TMEM132C: variants seen among roughly 807,000 people sequenced by gnomAD.
TMEM132C encodes the protein protein phosphatase 1, regulatory subunit 152.
Under a neutral mutation model 61.4 loss-of-function variants are expected in TMEM132C, and 29 were observed. The ratio of observed to expected loss-of-function variants is 0.47; its 90% CI spans 0.35 to 0.64. The LOEUF is 0.64. Among genes scored for constraint, TMEM132C ranks in the 30% least tolerant of loss-of-function variants. The pLI is 0.00. For missense variants in TMEM132C, 1,408 were observed against 1,476.9 expected (o/e 0.95, Z 0.76); for synonymous variants, 656 against 633.1 (o/e 1.04, Z -0.54).
chr12:128,335,326 G>A (rs937486123), intron 1 of TMEM132C, among the ~76,000 whole-genome samples: 9 of 150,480 alleles, frequency 6.0e-5, no homozygotes, highest in Non-Finnish European at 1.0e-4. Context: ...TATCAACCTC[G>A]TAATAAATAA....
At chr12:128,358,450 A>G (rs536294524) in intron 1 of TMEM132C, among the ~76,000 whole-genome samples, 1 of 151,982 alleles carries the variant, frequency 6.6e-6, no homozygotes, top group East Asian at 1.9e-4. Flanking sequence ...AGTAGCAAAT[A>G]CTATGAAGCA....
rs148904954 is a variant in TMEM132C, at chr12:128,320,717, C to A, written c.85+53230C>A. Among the ~76,000 whole-genome samples, 1,254 of 151,522 alleles carry A rather than the reference C, an allele frequency of 8.3e-3. 21 individuals are homozygous for A. The highest frequency in any genetic ancestry group is 0.029 in the African/African-American group (1,181 of 41,270). ...GCACCTGGGAGATAAGAGGTCAAGGCTGCAGTGAGCTGAGATCACACCAGT... is the reference window on the plus strand; with the variant it reads ...GCACCTGGGAGATAAGAGGTCAAGGATGCAGTGAGCTGAGATCACACCAGT... On this transcript the variant is annotated intron_variant, in intron 1 of 8. Coordinates refer to ENST00000435159, the MANE Select transcript of TMEM132C (RefSeq NM_001136103.3).
intron 1 of TMEM132C, among the ~76,000 whole-genome samples, chr12:128,413,321 A>AAAAAAG (rs1868635286): frequency 6.7e-6 from 1 of 149,944 alleles, no homozygotes; most frequent in Non-Finnish European, 1.5e-5. Flanking sequence ...AAAAAAAAAA[A>AAAAAAG]CCAATGTTGC....
chr12:128,690,627 C>T (rs552108332), intron 5 of TMEM132C, among the ~76,000 whole-genome samples: 5 of 152,270 alleles, frequency 3.3e-5, no homozygotes, highest in East Asian at 3.9e-4. Context: ...AACTCTTGCT[C>T]GACTGTTGTG....
intron 2 of TMEM132C, among the ~76,000 whole-genome samples, chr12:128,430,438 A>T (rs1302043230): frequency 6.6e-6 from 1 of 152,204 alleles, no homozygotes; most frequent in African/African-American, 2.4e-5. Flanking sequence ...ATGAGAACTT[A>T]ACTGGAACCA....
chr12:128,551,004 G>A (rs1874156628), intron 3 of TMEM132C, among the ~76,000 whole-genome samples: 5 of 152,172 alleles, frequency 3.3e-5, no homozygotes, highest in Admixed American at 2.6e-4. Context: ...ACAGGGTCAG[G>A]CTGCAGGCTG....
At chr12:128,474,940 A>G (rs1198083211) in intron 2 of TMEM132C, among the ~76,000 whole-genome samples, 1 of 152,158 alleles carries the variant, frequency 6.6e-6, no homozygotes, top group Non-Finnish European at 1.5e-5. Flanking sequence ...CATTCCCGAC[A>G]GTGCCCCCTT....
intron 2 of TMEM132C, among the ~76,000 whole-genome samples, chr12:128,448,428 A>G (rs780389260): frequency 5.3e-5 from 8 of 152,170 alleles, no homozygotes; most frequent in Non-Finnish European, 8.8e-5. Flanking sequence ...CTCTGCTTAT[A>G]GGGGTCGACT....
intron 1 of TMEM132C, among the ~76,000 whole-genome samples, chr12:128,310,849 G>A (rs538204940): frequency 9.5e-4 from 145 of 152,250 alleles, no homozygotes; most frequent in South Asian, 2.1e-3. Context: ...TTACAGTACC[G>A]TGTGTTTCAA....
At chr12:128,518,539 T>TC (rs1163038232) in intron 2 of TMEM132C, among the ~76,000 whole-genome samples, 1 of 152,242 alleles carries the variant, frequency 6.6e-6, no homozygotes, top group African/African-American at 2.4e-5. Flanking sequence ...ATGAGACCTT[T>TC]CCTCCTCTTT....
At chr12:128,654,072 G>A (rs568072330) in intron 4 of TMEM132C, among the ~76,000 whole-genome samples, 3 of 152,322 alleles carry the variant, frequency 2.0e-5, no homozygotes, top group Admixed American at 2.0e-4. Context: ...AAGAGACATT[G>A]TTGCAGGTTG....
intron 3 of TMEM132C, among the ~76,000 whole-genome samples, chr12:128,578,133 C>T (rs1875189047): frequency 1.3e-5 from 2 of 152,230 alleles, no homozygotes; most frequent in Admixed American, 1.3e-4. Flanking sequence ...AAATTCTTGG[C>T]CTTGGGCCCG....
At chr12:128,306,402 T>C (rs34091378) in intron 1 of TMEM132C, among the ~76,000 whole-genome samples, 55,036 of 151,398 alleles carry the variant, frequency 0.36, 11,821 homozygotes, top group Non-Finnish European at 0.49. Context: ...TGGGGTTTCA[T>C]CGTGTTAGCC....
chr12:128,639,331 GTGA>G (rs1954136444), intron 4 of TMEM132C, among the ~76,000 whole-genome samples: 3 of 151,862 alleles, frequency 2.0e-5, no homozygotes, highest in Non-Finnish European at 2.9e-5. Context: ...GGTGATGATG[GTGA>G]TGATGTTGGT....
intron 3 of TMEM132C, among the ~76,000 whole-genome samples, chr12:128,601,103 G>A (rs1876170301): frequency 6.6e-6 from 1 of 152,172 alleles, no homozygotes; most frequent in Non-Finnish European, 1.5e-5. Flanking sequence ...CAAAGTTTTA[G>A]GAGTGGACCT....
intron 4 of TMEM132C, among the ~76,000 whole-genome samples, chr12:128,640,792 TAGG>T (rs1310223076): frequency 6.6e-6 from 1 of 151,894 alleles, no homozygotes; most frequent in African/African-American, 2.4e-5. Flanking sequence ...GAGGCTGAGG[TAGG>T]AGGATCACTT....
intron 2 of TMEM132C, among the ~76,000 whole-genome samples, chr12:128,492,572 G>A (rs950949770): frequency 5.9e-5 from 9 of 152,092 alleles, no homozygotes; most frequent in Non-Finnish European, 1.3e-4. Context: ...ATCTCATTGT[G>A]GTTTTCATTT....
intron 2 of TMEM132C, among the ~76,000 whole-genome samples, chr12:128,465,763 C>T (rs1870710688): frequency 6.6e-6 from 1 of 152,202 alleles, no homozygotes. Flanking sequence ...GTAAGCATGC[C>T]ACGCGTTAAG....
At position 128,355,564 on chromosome 12, in the gene TMEM132C, C is replaced by T. The variant is rs149242902; in HGVS notation, c.86-59168C>T. ...CAGTCATTGTCACCCCTCTGCTTGACACCCTCCATGGCTCCCATCTTATTC... is the reference window on the plus strand; with the variant it reads ...CAGTCATTGTCACCCCTCTGCTTGATACCCTCCATGGCTCCCATCTTATTC... On this transcript the variant is annotated intron_variant, in intron 1 of 8. Coordinates refer to ENST00000435159, the MANE Select transcript of TMEM132C (RefSeq NM_001136103.3). Among the ~76,000 whole-genome samples, 421 of 152,096 alleles carry T rather than the reference C, an allele frequency of 2.8e-3. 3 individuals are homozygous for T. Among genetic ancestry groups the T allele is most frequent in the African/African-American group, 9.8e-3 (405 of 41,478 alleles).
Sources: gnomAD v4.1 joint callset for allele counts (sites outside exome capture counted in the v4.1 genomes callset) on GRCh38, gnomAD v4.1.1 for gene constraint, MANE v1.5 for transcripts, NCBI Gene and HGNC (gene_info 2026-07-23, HGNC 2026-07-21) for gene names.